The following SBSPON variants were observed in gnomAD, a reference collection of about 807,000 sequenced individuals.
The protein encoded by SBSPON is somatomedin-B and thrombospondin type-1 domain-containing protein.
A neutral mutation model predicts 35.8 loss-of-function variants in SBSPON; 30 were observed. The ratio of observed to expected loss-of-function variants is 0.84; its 90% CI spans 0.63 to 1.14. SBSPON has a LOEUF of 1.14. Ranked by LOEUF, SBSPON falls within the 50% of genes most tolerant of loss-of-function variation. SBSPON has a pLI of 0.00. For synonymous variants in SBSPON, 136 were observed against 135.9 expected, an observed-to-expected ratio of 1.00 and a Z score of 0.00; for missense variants, 364 against 357.7, an observed-to-expected ratio of 1.02 and a Z score of -0.14.
At chr8:73,086,289 T>C (rs1810824426) in intron 1 of SBSPON, among the ~76,000 whole-genome samples, 1 of 151,860 alleles carries the variant, frequency 6.6e-6, no homozygotes, top group African/African-American at 2.4e-5. Context: ...GCCTCCCGAG[T>C]AGCTGGGATT....
Position 73,073,570 on chromosome 8 carries a change from C to T in SBSPON, c.410-1700G>A, listed in dbSNP as rs1247148540. On this transcript the variant is annotated intron_variant, in intron 2 of 4. Coordinates refer to ENST00000297354, the MANE Select transcript of SBSPON (RefSeq NM_153225.4). ...CCTGTAATCCCAGCACTTTGGAAGCCCAAGGCAGGCAGCTCACTTGAGGCC... is the reference window on the plus strand; with the variant it reads ...CCTGTAATCCCAGCACTTTGGAAGCTCAAGGCAGGCAGCTCACTTGAGGCC... Among the ~76,000 whole-genome samples, 2 of 152,090 alleles carry T rather than the reference C, an allele frequency of 1.3e-5. 1 individual carries two copies. The highest frequency in any genetic ancestry group is 2.9e-5 in the Non-Finnish European group (2 of 68,016).
intron 4 of SBSPON, among the ~76,000 whole-genome samples, chr8:73,069,552 G>A (rs1810452963): frequency 6.6e-6 from 1 of 152,162 alleles, no homozygotes; most frequent in South Asian, 2.1e-4. Context: ...TTACAGGCAT[G>A]AGCCACCACT....
chr8:73,086,935 C>T (rs550228820), intron 1 of SBSPON, among the ~76,000 whole-genome samples: 1 of 152,116 alleles, frequency 6.6e-6, no homozygotes, highest in Non-Finnish European at 1.5e-5. Context: ...CCCTGGATGG[C>T]GGTGCCGTCT....
chr8:73,087,980 T>A (rs1810866349), intron 1 of SBSPON, among the ~76,000 whole-genome samples: 1 of 152,156 alleles, frequency 6.6e-6, no homozygotes, highest in Non-Finnish European at 1.5e-5. Context: ...CTTTTCCCCA[T>A]CCCTGGTAAG....
intron 1 of SBSPON, among the ~76,000 whole-genome samples, chr8:73,082,631 A>C (rs545650710): frequency 6.6e-6 from 1 of 152,368 alleles, no homozygotes; most frequent in African/African-American, 2.4e-5. Flanking sequence ...GCCACGTTAC[A>C]GTTCATTCCC....
chr8:73,074,491 G>A (rs1810554220), intron 2 of SBSPON: 1 of 510,268 alleles, frequency 2.0e-6, no homozygotes, highest in Admixed American at 6.4e-5. Flanking sequence ...ATGGCACAGA[G>A]AGGTTAAGAA....
chr8:73,088,063 T>G (rs757450494), intron 1 of SBSPON, among the ~76,000 whole-genome samples: 2 of 152,198 alleles, frequency 1.3e-5, no homozygotes, highest in Non-Finnish European at 2.9e-5. Context: ...TCCCTTGGTG[T>G]TGAAACTCAT....
At chr8:73,088,179 C>A (rs1442972998) in intron 1 of SBSPON, among the ~76,000 whole-genome samples, 1 of 152,150 alleles carries the variant, frequency 6.6e-6, no homozygotes, top group Non-Finnish European at 1.5e-5. Context: ...CTGAGAAAGT[C>A]TTTTTACTTA....
intron 2 of SBSPON, 130 bp downstream of exon 2, chr8:73,080,889 G>T: frequency 1.4e-6 from 1 of 690,492 alleles, no homozygotes; most frequent in Non-Finnish European, 2.3e-6. Context: ...ATCTACTTTG[G>T]GCAGCCTGGC....
At chr8:73,088,978 G>A (rs568224808) in intron 1 of SBSPON, among the ~76,000 whole-genome samples, 16 of 152,318 alleles carry the variant, frequency 1.1e-4, no homozygotes, top group African/African-American at 3.8e-4. Context: ...AGGCAGTTGA[G>A]TCTCAGTACT....
chr8:73,090,188 C>T (rs1008693679), intron 1 of SBSPON, among the ~76,000 whole-genome samples: 3 of 152,180 alleles, frequency 2.0e-5, no homozygotes, highest in African/African-American at 4.8e-5. Flanking sequence ...AGTATCATTC[C>T]GCTTTAATGA....
In SBSPON at chr8:73,071,771, C is replaced by T. The variant is rs754525042; in HGVS notation, c.500+9G>A. 1.2e-5 allele frequency: 18 copies of T among 1,500,616 alleles called. No homozygotes were observed. The highest frequency in any genetic ancestry group is 7.3e-5 in the African/African-American group (5 of 68,512). 93.0% of individuals were successfully genotyped at this position (1,500,616 alleles called of 1,614,324 possible). On this transcript the variant is annotated intron_variant, in intron 3 of 4. Transcript: ENST00000297354. Reference sequence around the variant, plus strand: ...ACATGATTAAAAAAAAAAAAAAACACGAAATTACCCAGCATCCTCTGTGTG... The same window carrying T: ...ACATGATTAAAAAAAAAAAAAAACATGAAATTACCCAGCATCCTCTGTGTG...
intron 2 of SBSPON, among the ~76,000 whole-genome samples, chr8:73,075,131 T>C (rs1810568114): frequency 6.6e-6 from 1 of 152,186 alleles, no homozygotes; most frequent in African/African-American, 2.4e-5. Flanking sequence ...TGCCTTGGCT[T>C]CCCAAAGTGC....
At chr8:73,084,042 G>T (rs1177873691) in intron 1 of SBSPON, among the ~76,000 whole-genome samples, 1 of 152,254 alleles carries the variant, frequency 6.6e-6, no homozygotes, top group African/African-American at 2.4e-5. Flanking sequence ...AACAGAGTCA[G>T]AGAGGGAGAC....
chr8:73,073,984 T>C (rs933013141), intron 2 of SBSPON, among the ~76,000 whole-genome samples: 1 of 152,042 alleles, frequency 6.6e-6, no homozygotes. Context: ...AACAAGAGAG[T>C]GCATGTATAT....
intron 4 of SBSPON, 40 bp from the exon 5 acceptor site, chr8:73,067,498 A>G: frequency 8.1e-7 from 1 of 1,238,442 alleles, no homozygotes; most frequent in Non-Finnish European, 1.2e-6. Flanking sequence ...CACTAAAAGC[A>G]TACCGAAGAA....
chr8:73,093,061 T>G lies in SBSPON; in HGVS notation c.7A>C (p.Thr3Pro). 7.4e-7 allele frequency: 1 copy of G among 1,356,392 alleles called. No homozygotes were observed. The highest frequency in any genetic ancestry group is 2.0e-5 in the South Asian group (1 of 51,214). The allele number at this position is 1,356,392 out of a possible 1,614,324, so 84.0% of individuals were successfully genotyped here. MR[T>P]LWMALCALSR... ...AGCGCGCACAGCGCCATCCACAGGG[T>G]CCTCATGGCCAGGGCTCCGGCGGCG... Residue 3 changes from threonine to proline, a missense_variant, in exon 1 of 5, where the codon ACC becomes CCC. Transcript: ENST00000297354.
At chr8:73,069,235 T>C (rs1810447224) in intron 4 of SBSPON, among the ~76,000 whole-genome samples, 1 of 152,030 alleles carries the variant, frequency 6.6e-6, no homozygotes, top group Non-Finnish European at 1.5e-5. Context: ...CACTTTGGAG[T>C]GATCAGGTTT....
At chr8:73,067,544 A>G (rs1810412311) in intron 4 of SBSPON, 86 bp from the exon 5 acceptor site, 1 of 743,600 alleles carries the variant, frequency 1.3e-6, no homozygotes, top group Admixed American at 1.9e-5. Context: ...CGGAGTTAAA[A>G]AAAACTGATC....
Sources: gnomAD v4.1 joint callset for allele counts (sites outside exome capture counted in the v4.1 genomes callset) on GRCh38, gnomAD v4.1.1 for gene constraint, MANE v1.5 for transcripts, NCBI Gene and HGNC (gene_info 2026-07-23, HGNC 2026-07-21) for gene names.